The following ZNF804A variants were observed in gnomAD, a reference collection of about 807,000 sequenced individuals.
ZNF804A encodes zinc finger protein 804A.
A neutral mutation model predicts 16.5 loss-of-function variants in ZNF804A; 2 were observed. The observed-to-expected ratio is 0.12, with a 90% CI of 0.05 to 0.38. The LOEUF (loss-of-function observed/expected upper bound fraction) is 0.38, where lower values mean the gene tolerates loss of function less well. ZNF804A is among the 10% of genes least tolerant of loss of function. The pLI, the probability that ZNF804A is intolerant of heterozygous loss-of-function variation, is 0.99. For synonymous variants in ZNF804A, 534 were observed against 489.6 expected, an observed-to-expected ratio of 1.09 and a Z score of -1.20; for missense variants, 1,473 against 1,390.7, an observed-to-expected ratio of 1.06 and a Z score of -0.94.
At chr2:184,893,168 A>T (rs1685014426) in intron 2 of ZNF804A, among the ~76,000 whole-genome samples, 1 of 152,196 alleles carries the variant, frequency 6.6e-6, no homozygotes, top group South Asian at 2.1e-4. Context: ...TCATCCTAAA[A>T]ATTAGAAAAC....
chr2:184,774,802 A>C (rs1574206459), intron 1 of ZNF804A, among the ~76,000 whole-genome samples: 1 of 151,904 alleles, frequency 6.6e-6, no homozygotes, highest in South Asian at 2.1e-4. Context: ...AGATGTGAGA[A>C]TGAAATCAAA....
At chr2:184,783,529 G>A (rs10497659) in intron 1 of ZNF804A, among the ~76,000 whole-genome samples, 7,627 of 151,830 alleles carry the variant, frequency 0.05, 250 homozygotes, top group Middle Eastern at 0.078. Flanking sequence ...GTATGTAATG[G>A]ATGCACTTAA....
chr2:184,775,517 A>G (rs1485920758), intron 1 of ZNF804A, among the ~76,000 whole-genome samples: 1 of 151,692 alleles, frequency 6.6e-6, no homozygotes, highest in African/African-American at 2.4e-5. Flanking sequence ...CTTTAGAGAA[A>G]ACAGCGCTAT....
chr2:184,817,392 C>T (rs1479122629), intron 1 of ZNF804A, among the ~76,000 whole-genome samples: 2 of 152,054 alleles, frequency 1.3e-5, no homozygotes, highest in East Asian at 1.9e-4. Flanking sequence ...CCCACACAAA[C>T]TCCATTCAAA....
intron 1 of ZNF804A, among the ~76,000 whole-genome samples, chr2:184,794,245 T>G (rs1333908396): frequency 6.6e-6 from 1 of 152,086 alleles, no homozygotes; most frequent in Non-Finnish European, 1.5e-5. Flanking sequence ...ATTTTTAATT[T>G]TTTTTTATTA....
chr2:184,937,449 G>C lies in ZNF804A; in HGVS notation c.2053G>C (p.Asp685His), dbSNP rs1259586983. Residue 685 changes from aspartate (D) to histidine (H), a missense_variant, in exon 4 of 4, where the codon GAT becomes CAT. Physicochemically the swap from Asp to His is moderately conservative, Grantham distance 81. Transcript: ENST00000302277. ...KTWNTEYNTY[D>H]TISSKNHCKK... ...ATGGAATACTGAATACAACACTTAT[G>C]ATACTATCAGTTCTAAAAACCACTG... The C allele has an allele frequency of 6.2e-7, 1 of 1,610,300 alleles. No homozygotes were observed. The highest frequency in any genetic ancestry group is 8.5e-7 in the Non-Finnish European group (1 of 1,178,770).
intron 1 of ZNF804A, among the ~76,000 whole-genome samples, chr2:184,712,366 A>G (rs1559132664): frequency 6.6e-6 from 1 of 151,708 alleles, no homozygotes; most frequent in Non-Finnish European, 1.5e-5. Flanking sequence ...ATTGTTTACT[A>G]GTCTGCAAGG....
intron 1 of ZNF804A, among the ~76,000 whole-genome samples, chr2:184,844,175 C>T (rs189954020): frequency 8.8e-6 from 1 of 113,004 alleles, no homozygotes; most frequent in African/African-American, 3.8e-5. Context: ...CCTAATTATA[C>T]CCCCCCCCAT....
chr2:184,707,923 C>T (rs986430162), intron 1 of ZNF804A, among the ~76,000 whole-genome samples: 2 of 152,048 alleles, frequency 1.3e-5, no homozygotes, highest in African/African-American at 4.8e-5. Flanking sequence ...TAAGCATTTC[C>T]TTTTCTCCAT....
At chr2:184,624,445 G>A (rs1049335223) in intron 1 of ZNF804A, among the ~76,000 whole-genome samples, 1 of 152,138 alleles carries the variant, frequency 6.6e-6, no homozygotes, top group African/African-American at 2.4e-5. Flanking sequence ...GCACATGCAT[G>A]TCTGCATGTG....
chr2:184,634,061 A>T (rs1264545634), intron 1 of ZNF804A, among the ~76,000 whole-genome samples: 1 of 152,204 alleles, frequency 6.6e-6, no homozygotes, highest in East Asian at 1.9e-4. Flanking sequence ...GGACTAAAGA[A>T]AAAAGTATTG....
At chr2:184,821,933 G>C (rs939743586) in intron 1 of ZNF804A, among the ~76,000 whole-genome samples, 2 of 152,116 alleles carry the variant, frequency 1.3e-5, no homozygotes, top group South Asian at 4.1e-4. Flanking sequence ...CGAGGTTGTG[G>C]AGAAAAAGAA....
chr2:184,802,526 A>C (rs942610667), intron 1 of ZNF804A, among the ~76,000 whole-genome samples: 1 of 152,184 alleles, frequency 6.6e-6, no homozygotes, highest in Non-Finnish European at 1.5e-5. Flanking sequence ...CAAAATTACC[A>C]TTTAACTGTT....
At chr2:184,813,993 C>CTTTTCTTTTTTTT (rs1694938606) in intron 1 of ZNF804A, among the ~76,000 whole-genome samples, 1 of 49,186 alleles carries the variant, frequency 2.0e-5, no homozygotes, top group Non-Finnish European at 3.7e-5. Flanking sequence ...AGAAAGGCAG[C>CTTTTCTTTTTTTT]TTTTTTTTTT....
chr2:184,753,268 G>A (rs112976482), intron 1 of ZNF804A, among the ~76,000 whole-genome samples: 86 of 151,700 alleles, frequency 5.7e-4, no homozygotes, highest in Non-Finnish European at 1.0e-3. Context: ...GCTGGGGGGC[G>A]TTGCTTCTCA....
At chr2:184,787,265 G>T (rs568537889) in intron 1 of ZNF804A, among the ~76,000 whole-genome samples, 63 of 151,932 alleles carry the variant, frequency 4.1e-4, no homozygotes, top group African/African-American at 1.4e-3. Context: ...ACTGATAGAC[G>T]CTTAGGTTGG....
At chr2:184,728,090 G>T (rs1342720308) in intron 1 of ZNF804A, among the ~76,000 whole-genome samples, 1 of 149,808 alleles carries the variant, frequency 6.7e-6, no homozygotes, top group Non-Finnish European at 1.5e-5. Flanking sequence ...AGTAACGCTT[G>T]TGAGTAGAGT....
At chr2:184,612,827 T>C (rs922443338) in intron 1 of ZNF804A, among the ~76,000 whole-genome samples, 1 of 152,234 alleles carries the variant, frequency 6.6e-6, no homozygotes, top group Non-Finnish European at 1.5e-5. Context: ...TTATTACTTA[T>C]TGCTGTCCTG....
chr2:184,889,811 T>A (rs1684953341), intron 2 of ZNF804A, among the ~76,000 whole-genome samples: 1 of 151,990 alleles, frequency 6.6e-6, no homozygotes, highest in Non-Finnish European at 1.5e-5. Context: ...ATAAAATACA[T>A]TAAATTCAAA....
Sources: gnomAD v4.1 joint callset for allele counts (sites outside exome capture counted in the v4.1 genomes callset) on GRCh38, gnomAD v4.1.1 for gene constraint, MANE v1.5 for transcripts, NCBI Gene and HGNC (gene_info 2026-07-23, HGNC 2026-07-21) for gene names.